Variants in GLRA1 observed in about 807,000 individuals in gnomAD.
GLRA1 encodes the protein glycine receptor subunit alpha-1.
Under a neutral mutation model 48.3 loss-of-function variants are expected in GLRA1, and 37 were observed. The observed-to-expected ratio is 0.77, with a 90% CI of 0.59 to 1.01. GLRA1 has a LOEUF of 1.01. GLRA1 is among the 50% of genes least tolerant of loss of function. The probability of loss-of-function intolerance (pLI) is 0.00; values close to 1 mark genes in which losing one functional copy is unlikely to be tolerated. For missense variants in GLRA1, 427 were observed against 571.0 expected (o/e 0.75, Z 2.57); for synonymous variants, 196 against 210.7 (o/e 0.93, Z 0.60).
intron 6 of GLRA1, among the ~76,000 whole-genome samples, chr5:151,853,124 A>C (rs1752951323): frequency 6.6e-6 from 1 of 152,244 alleles, no homozygotes; most frequent in Non-Finnish European, 1.5e-5. Context: ...GTCAAAGGGT[A>C]CAGAATTTCA....
At chr5:151,888,211 TC>T (rs11334067) in intron 2 of GLRA1, among the ~76,000 whole-genome samples, 4,581 of 152,296 alleles carry the variant, frequency 0.03, 127 homozygotes, top group Non-Finnish European at 0.04. Context: ...TTGCATTCTG[TC>T]CCTCTTGAAA....
intron 7 of GLRA1, among the ~76,000 whole-genome samples, chr5:151,843,864 T>C (rs1752585074): frequency 6.6e-6 from 1 of 152,158 alleles, no homozygotes; most frequent in African/African-American, 2.4e-5. Context: ...CAACTGGATA[T>C]TCACACGTGA....
Position 151,875,093 on chromosome 5 carries a change from A to G in GLRA1, c.252+11628T>C, listed in dbSNP as rs75549327. Among the ~76,000 whole-genome samples the G allele has an allele frequency of 8.3e-3, 1,267 of 152,230 alleles. 27 individuals are homozygous for G. The highest frequency in any genetic ancestry group is 0.028 in the African/African-American group (1,163 of 41,524). The stretch of plus-strand genomic sequence containing the variant: ...AATGTCTGCTTCATTTGATCAACTG[A>G]TCCCAGGATAGGTTGACTTTGACTT... On this transcript the variant is annotated intron_variant, in intron 3 of 8. Transcript: ENST00000274576.
chr5:151,921,572 G>T (rs1285962375), intron 1 of GLRA1, among the ~76,000 whole-genome samples: 1 of 152,200 alleles, frequency 6.6e-6, no homozygotes, highest in Non-Finnish European at 1.5e-5. Flanking sequence ...TGTTTGAGTT[G>T]CTCAGAAGGC....
intron 7 of GLRA1, among the ~76,000 whole-genome samples, chr5:151,832,798 A>G (rs1763458662): frequency 6.6e-6 from 1 of 152,166 alleles, no homozygotes; most frequent in Non-Finnish European, 1.5e-5. Context: ...AATACAGAGA[A>G]CACCACAAAG....
At chr5:151,844,703 C>T (rs1460318461) in intron 7 of GLRA1, among the ~76,000 whole-genome samples, 2 of 148,538 alleles carry the variant, frequency 1.3e-5, no homozygotes, top group African/African-American at 5.0e-5. Context: ...ATAAATTAGA[C>T]TTTATCAAAA....
chr5:151,887,931 T>C lies in GLRA1; in HGVS notation c.185-1143A>G, dbSNP rs1167624654. On this transcript the variant is annotated intron_variant, in intron 2 of 8. Coordinates refer to ENST00000274576, the MANE Select transcript of GLRA1 (RefSeq NM_000171.4). Reference sequence around the variant, plus strand: ...GCCTGGAGATGACTTTGAAGGTGAATAGGACTTGGATAAATGGTCACAGCC... The same window carrying C: ...GCCTGGAGATGACTTTGAAGGTGAACAGGACTTGGATAAATGGTCACAGCC... Among the ~76,000 whole-genome samples, 4 of 152,158 alleles carry C rather than the reference T, an allele frequency of 2.6e-5. No homozygotes were observed. In the East Asian group the frequency reaches 7.7e-4, roughly 29 times the overall value.
rs201652614 is a variant in GLRA1, at chr5:151,849,104, TTTTCTTTCTTTC to T, written c.912+2274_912+2285del. The T allele has an allele frequency of 2.1e-3, 240 of 117,004 alleles. 3 individuals are homozygous for T. Among genetic ancestry groups the T allele is most frequent in the African/African-American group, 2.9e-3 (42 of 14,396 alleles). 7.2% of individuals were successfully genotyped at this position (117,004 alleles called of 1,614,324 possible). A position where few individuals can be genotyped will look rare whatever the true frequency, so the allele number is the denominator to read the frequency against. ...TTTTCTTTCCTTTTTATTTCTTTTC[TTTTCTTTCTTTC>T]TTTCTTTCTTTCTTTCTTTCTTTCT... On this transcript the variant is annotated intron_variant, in intron 7 of 8. Transcript: ENST00000274576.
rs575036163 is a variant in GLRA1 at position 151,877,389 on chromosome 5, A to G, written c.252+9332T>C. Among the ~76,000 whole-genome samples, 4 of 152,340 alleles carry G rather than the reference A, an allele frequency of 2.6e-5. No individual in the cohort carries two copies. In the South Asian group the frequency reaches 6.2e-4, roughly 24 times the overall value. ...GCTTATAGGACTAAAACAGAACTCT[A>G]TCTCTAGAGCCTAATGCCAAATTTA... On this transcript the variant is annotated intron_variant, in intron 3 of 8. Coordinates refer to ENST00000274576, the MANE Select transcript of GLRA1 (RefSeq NM_000171.4).
chr5:151,859,686 T>C, intron 4 of GLRA1, 99 bp downstream of exon 4: 2 of 865,750 alleles, frequency 2.3e-6, no homozygotes, highest in Admixed American at 3.8e-5. Flanking sequence ...CCAGGGCCTG[T>C]TCACCTCTGT....
chr5:151,894,199 C>A (rs954231442), intron 1 of GLRA1, among the ~76,000 whole-genome samples: 5 of 152,018 alleles, frequency 3.3e-5, no homozygotes, highest in Non-Finnish European at 7.4e-5. Context: ...AGTCATGCAG[C>A]GCATAATGTT....
chr5:151,857,273 G>A (rs1753073250), intron 4 of GLRA1, among the ~76,000 whole-genome samples: 1 of 152,230 alleles, frequency 6.6e-6, no homozygotes, highest in Non-Finnish European at 1.5e-5. Context: ...AATTATGTGT[G>A]TATTTCCAAG....
At position 151,846,290 on chromosome 5, in the gene GLRA1, A is replaced by G. The variant is rs539342474; in HGVS notation, c.912+5100T>C. On this transcript the variant is annotated intron_variant, in intron 7 of 8. Coordinates refer to ENST00000274576, the MANE Select transcript of GLRA1 (RefSeq NM_000171.4). ...ATAACATATGGAGCCAAATATTTTT[A>G]ACCACAAATGCAGCAGAATGTTGAG... Among the ~76,000 whole-genome samples, 16 of 152,350 alleles carry G rather than the reference A, an allele frequency of 1.1e-4. No individual in the cohort carries two copies. In the South Asian group the frequency reaches 2.7e-3, roughly 26 times the overall value.
intron 1 of GLRA1, among the ~76,000 whole-genome samples, chr5:151,921,378 C>G (rs955304342): frequency 6.6e-6 from 1 of 152,120 alleles, no homozygotes; most frequent in Non-Finnish European, 1.5e-5. Context: ...ATTTTGTCTC[C>G]CCTTTGCCCA....
intron 7 of GLRA1, among the ~76,000 whole-genome samples, chr5:151,836,988 C>T (rs572301140): frequency 5.3e-5 from 8 of 152,186 alleles, no homozygotes; most frequent in African/African-American, 1.9e-4. Context: ...ACAACAACAA[C>T]AACAACAAAA....
intron 1 of GLRA1, among the ~76,000 whole-genome samples, chr5:151,916,370 C>T (rs1362357879): frequency 6.6e-6 from 1 of 152,240 alleles, no homozygotes; most frequent in East Asian, 1.9e-4. Context: ...AGGGTTGCAG[C>T]AGCCTTGCCG....
chr5:151,874,778 A>G (rs1198163350), intron 3 of GLRA1, among the ~76,000 whole-genome samples: 1 of 152,142 alleles, frequency 6.6e-6, no homozygotes, highest in African/African-American at 2.4e-5. Flanking sequence ...GGTGAGAAGG[A>G]GCCAGGCATG....
chr5:151,908,498 T>C (rs1221179862), intron 1 of GLRA1, among the ~76,000 whole-genome samples: 1 of 152,086 alleles, frequency 6.6e-6, no homozygotes, highest in Non-Finnish European at 1.5e-5. Context: ...AGTCCTCTAG[T>C]ACAGTGTACT....
chr5:151,879,853 G>A (rs1264384400), intron 3 of GLRA1, among the ~76,000 whole-genome samples: 2 of 152,198 alleles, frequency 1.3e-5, no homozygotes, highest in Non-Finnish European at 2.9e-5. Flanking sequence ...ATTTGGCTGT[G>A]TCCCCACTGA....
Sources: allele counts gnomAD v4.1 joint callset (sites outside exome capture counted in the v4.1 genomes callset), GRCh38; gene constraint gnomAD v4.1.1; transcripts MANE v1.5; gene names NCBI Gene and HGNC (gene_info 2026-07-23, HGNC 2026-07-21).